Variants in HTRA3 observed in about 807,000 individuals in gnomAD.
HTRA3 encodes serine protease HTRA3.
A neutral mutation model predicts 43.2 loss-of-function variants in HTRA3; 41 were observed. That is an observed-to-expected ratio of 0.95 (90% confidence interval 0.74 to 1.23). The LOEUF is 1.23. HTRA3 is among the 50% of genes most tolerant of loss of function. The probability of loss-of-function intolerance (pLI) is 0.00; values close to 1 mark genes in which losing one functional copy is unlikely to be tolerated. For synonymous variants in HTRA3, 295 were observed against 287.9 expected, an observed-to-expected ratio of 1.02 and a Z score of -0.25; for missense variants, 628 against 647.1, an observed-to-expected ratio of 0.97 and a Z score of 0.32.
At chr4:8,278,159 C>T (rs559191578) in intron 1 of HTRA3, among the ~76,000 whole-genome samples, 7 of 152,150 alleles carry the variant, frequency 4.6e-5, no homozygotes, top group African/African-American at 7.2e-5. Flanking sequence ...AGAGCCAGCA[C>T]GTGGTCCTCT....
rs1712677181 is a variant in HTRA3 at position 8,279,951 on chromosome 4, G to A, written c.386-2486G>A. On this transcript the variant is annotated intron_variant, in intron 1 of 8. Coordinates refer to ENST00000307358, the MANE Select transcript of HTRA3 (RefSeq NM_053044.5). This position sits in a 1 kb window ranked among gnomAD's most constrained non-coding sequence, Gnocchi z 7.4. ...AGCTGTCACAGGTGGGCACACAGGA[G>A]GCACCCTGCACGAGTGGCTTGAATA... 6.6e-6 allele frequency among the ~76,000 whole-genome samples: 1 copy of A among 151,988 alleles called. No individual in the cohort carries two copies. The highest frequency in any genetic ancestry group is 2.1e-4 in the South Asian group (1 of 4,830).
At chr4:8,285,242 G>C (rs190106103) in intron 2 of HTRA3, among the ~76,000 whole-genome samples, 1 of 152,196 alleles carries the variant, frequency 6.6e-6, no homozygotes, top group South Asian at 2.1e-4. Context: ...AGTCACATGG[G>C]GTTAGGACTT....
chr4:8,271,803 C>T (rs1473950279), intron 1 of HTRA3, among the ~76,000 whole-genome samples: 1 of 152,212 alleles, frequency 6.6e-6, no homozygotes, highest in East Asian at 1.9e-4. Flanking sequence ...ACCCTTGTGA[C>T]CTCATCACCT....
chr4:8,288,616 A>T (rs1467881780), intron 3 of HTRA3, among the ~76,000 whole-genome samples: 1 of 142,254 alleles, frequency 7.0e-6, no homozygotes, highest in Non-Finnish European at 1.5e-5. Context: ...TCTGTCACCC[A>T]GGCTGGAGTG....
intron 6 of HTRA3, among the ~76,000 whole-genome samples, chr4:8,301,270 C>G (rs1248332953): frequency 1.4e-5 from 2 of 147,076 alleles, no homozygotes; most frequent in African/African-American, 5.1e-5. Context: ...GATTCACACT[C>G]ATCTTTATTA....
At chr4:8,277,860 ACTGG>A (rs1712590074) in intron 1 of HTRA3, among the ~76,000 whole-genome samples, 1 of 152,152 alleles carries the variant, frequency 6.6e-6, no homozygotes, top group Non-Finnish European at 1.5e-5. Context: ...ACAGCTGACC[ACTGG>A]GTGGCAGAGG....
At chr4:8,304,611 C>T (rs1713767645) in intron 8 of HTRA3, among the ~76,000 whole-genome samples, 1 of 148,570 alleles carries the variant, frequency 6.7e-6, no homozygotes, top group Non-Finnish European at 1.5e-5. Context: ...ACTCAGCTTC[C>T]TCATTGTAAA....
intron 5 of HTRA3, 82 bp downstream of exon 5, chr4:8,292,435 G>A (rs1451307787): frequency 1.7e-6 from 2 of 1,155,970 alleles, no homozygotes; most frequent in African/African-American, 3.1e-5. Flanking sequence ...GGTGGGACAG[G>A]GCCCACAATA....
chr4:8,294,944 C>T (rs997848203), intron 6 of HTRA3, among the ~76,000 whole-genome samples: 1 of 151,502 alleles, frequency 6.6e-6, no homozygotes, highest in Middle Eastern at 3.4e-3. Context: ...TTCATCCACC[C>T]ATCCATCCGT....
intron 5 of HTRA3, 29 bp from the exon 6 acceptor site, chr4:8,294,058 C>G: frequency 6.6e-7 from 1 of 1,522,316 alleles, no homozygotes; most frequent in Non-Finnish European, 9.0e-7. Context: ...GTTCCCCCAA[C>G]TGATGCCTGC....
chr4:8,271,700 G>A (rs533942684), intron 1 of HTRA3, among the ~76,000 whole-genome samples: 3 of 152,196 alleles, frequency 2.0e-5, no homozygotes, highest in African/African-American at 4.8e-5. Context: ...AGGAAGCTGC[G>A]TCTTCACACG....
chr4:8,285,353 G>T (rs1002652269), intron 2 of HTRA3, among the ~76,000 whole-genome samples: 1 of 152,180 alleles, frequency 6.6e-6, no homozygotes, highest in Non-Finnish European at 1.5e-5. Context: ...AGCACAGGGT[G>T]GCATTCGCTG....
chr4:8,296,120 G>A lies in HTRA3; in HGVS notation c.1051+1919G>A, dbSNP rs565518005. The A allele has an allele frequency of 8.1e-5, 81 of 1,002,982 alleles. No homozygotes were observed. The South Asian group carries it at 1.1e-3, about 13-fold the overall frequency. 62.1% of individuals were successfully genotyped at this position (1,002,982 alleles called of 1,614,324 possible). A position where few individuals can be genotyped will look rare whatever the true frequency, so the allele number is the denominator to read the frequency against. ...TTTGGCCTCCTTACTGGAAATTAGCGGAGCTGCTGTTTGCACACACTGAGC... is the reference window on the plus strand; with the variant it reads ...TTTGGCCTCCTTACTGGAAATTAGCAGAGCTGCTGTTTGCACACACTGAGC... On this transcript the variant is annotated intron_variant, in intron 6 of 8. Transcript: ENST00000307358. The surrounding 1 kb of genome is among the most constrained non-coding windows in gnomAD (Gnocchi z 5.3).
Position 8,283,692 on chromosome 4 carries a change from G to A in HTRA3, c.485+1156G>A, listed in dbSNP as rs535791444. 4.6e-5 allele frequency among the ~76,000 whole-genome samples: 7 copies of A among 152,340 alleles called. No individual in the cohort carries two copies. In the East Asian group the frequency reaches 5.8e-4, roughly 13 times the overall value. On this transcript the variant is annotated intron_variant, in intron 2 of 8. Coordinates refer to ENST00000307358, the MANE Select transcript of HTRA3 (RefSeq NM_053044.5). ...TCCACCCTGATAGGGATCAGACGGCGGGTCCAGGCGGACACGGAGCCGGCA... is the reference window on the plus strand; with the variant it reads ...TCCACCCTGATAGGGATCAGACGGCAGGTCCAGGCGGACACGGAGCCGGCA...
At chr4:8,294,771 TATCCATCCATCCATCCACCCATCTATCC>T (rs1713394530) in intron 6 of HTRA3, among the ~76,000 whole-genome samples, 1 of 9,858 alleles carries the variant, frequency 1.0e-4, no homozygotes, top group Non-Finnish European at 2.1e-4. Context: ...CCCATCCACC[TATCCATCCATCCATCCACCCATCTATCC>T]ATCCACCCAC....
intron 1 of HTRA3, among the ~76,000 whole-genome samples, chr4:8,278,390 GAAA>G (rs137976560): frequency 4.0e-5 from 5 of 125,852 alleles, no homozygotes; most frequent in Admixed American, 8.2e-5. Flanking sequence ...GTTTATTGAG[GAAA>G]AAAAAAAAAA....
rs551700909 is a variant in HTRA3 at position 8,270,846 on chromosome 4, C to T, written c.385+493C>T. On this transcript the variant is annotated intron_variant, in intron 1 of 8. Coordinates refer to ENST00000307358, the MANE Select transcript of HTRA3 (RefSeq NM_053044.5). ...AGGTCCCTGAACTGCTTAGGGCGCC[C>T]CAGGGAGAGGCTGCTTGGGGGAGAG... Among the ~76,000 whole-genome samples, 250 of 152,224 alleles carry T rather than the reference C, an allele frequency of 1.6e-3. 2 individuals carry two copies. Among genetic ancestry groups the T allele is most frequent in the African/African-American group, 5.3e-3 (221 of 41,534 alleles).
intron 1 of HTRA3, among the ~76,000 whole-genome samples, chr4:8,275,921 A>G (rs556130290): frequency 1.6e-4 from 25 of 152,322 alleles, no homozygotes; most frequent in African/African-American, 6.0e-4. Context: ...GCAGGCCCCT[A>G]GCAGCTCGAA....
intron 1 of HTRA3, among the ~76,000 whole-genome samples, chr4:8,276,869 A>G (rs1712545976): frequency 6.6e-6 from 1 of 152,276 alleles, no homozygotes; most frequent in Admixed American, 6.5e-5. Context: ...CACCTTGGGC[A>G]GGTCCCGTGG....
Sources: allele counts gnomAD v4.1 joint callset (sites outside exome capture counted in the v4.1 genomes callset), GRCh38; gene constraint gnomAD v4.1.1; non-coding constraint Gnocchi (gnomAD v3.1); transcripts MANE v1.5; gene names NCBI Gene and HGNC (gene_info 2026-07-23, HGNC 2026-07-21).